Variants in EDEM2 observed in about 807,000 individuals in gnomAD.
EDEM2 encodes the protein ER degradation-enhancing alpha-mannosidase-like protein 2.
Under a neutral mutation model 64.8 loss-of-function variants are expected in EDEM2, and 39 were observed. The observed-to-expected ratio is 0.60, with a 90% CI of 0.47 to 0.79. The LOEUF (loss-of-function observed/expected upper bound fraction) is 0.79. Ranked by LOEUF, EDEM2 falls within the 30% of genes least tolerant of loss-of-function variation. EDEM2 has a pLI of 0.00. For synonymous variants in EDEM2, 296 were observed against 291.5 expected (o/e 1.02, Z -0.16); for missense variants, 609 against 731.3 (o/e 0.83, Z 1.93).
At position 35,115,892 on chromosome 20, in the gene EDEM2, C is replaced by T; in HGVS notation, c.1278G>A (p.Glu426=). ...TCACAGTCTCGGCCAGGAAGAACGA[C>T]TCCATGCGGTTGTCCAGCTTGTGGT... The part of the protein sequence containing the change: ...LRDHKLDNRM[E]SFFLAETVKY... The change falls in exon 11 of 11, where the codon GAG becomes GAA. Residue 426 remains glutamate, a synonymous_variant. Transcript: ENST00000374492. 1 of 1,614,060 alleles carries T rather than the reference C, an allele frequency of 6.2e-7. No homozygotes were observed. Among genetic ancestry groups the T allele is most frequent in the Non-Finnish European group, 8.5e-7 (1 of 1,180,004 alleles).
rs1291721666 is a variant in EDEM2, at chr20:35,126,140, C to T, written c.969+111G>A. On this transcript the variant is annotated intron_variant, in intron 8 of 10. Transcript: ENST00000374492. ...CTCTTCCATCCTCAACCTGTCCCTCCAAAAAAAGTACTCAAGCAATTAACA... is the reference window on the plus strand; with the variant it reads ...CTCTTCCATCCTCAACCTGTCCCTCTAAAAAAAGTACTCAAGCAATTAACA... The T allele has an allele frequency of 2.8e-6, 4 of 1,423,334 alleles. No individual in the cohort carries two copies. In the African/African-American group the frequency reaches 4.3e-5, roughly 15 times the overall value. The allele number at this position is 1,423,334 out of a possible 1,614,324, so 88.2% of individuals were successfully genotyped here.
At chr20:35,126,489 G>GGCTT (rs749127627) in intron 7 of EDEM2, 114 bp from the exon 8 acceptor site, 12 of 1,275,512 alleles carry the variant, frequency 9.4e-6, no homozygotes, top group Non-Finnish European at 1.1e-5. Flanking sequence ...GATGCAATGA[G>GGCTT]GCAAGGAGGC....
chr20:35,121,641 T>C (rs1014276868), intron 9 of EDEM2, among the ~76,000 whole-genome samples: 4 of 152,240 alleles, frequency 2.6e-5, no homozygotes, highest in Non-Finnish European at 5.9e-5. Flanking sequence ...GGCTAGGCTC[T>C]GTGCTCCAAC....
At chr20:35,116,562 C>T (rs2085311913) in intron 10 of EDEM2, among the ~76,000 whole-genome samples, 1 of 152,166 alleles carries the variant, frequency 6.6e-6, no homozygotes, top group South Asian at 2.1e-4. Context: ...TTTCTCATAG[C>T]TTGTTCCCTC....
chr20:35,124,053 G>C lies in EDEM2; in HGVS notation c.970-19C>G. 1 of 1,608,466 alleles carries C rather than the reference G, an allele frequency of 6.2e-7. No individual in the cohort carries two copies. On this transcript the variant is annotated intron_variant, in intron 8 of 10. Transcript: ENST00000374492. ...TGAGGCTCTGTGGGAGAAAGTGGCT[G>C]TCAGGCAGGTAGACACCAGGCATAA...
At chr20:35,133,722 C>A (rs1391404950) in intron 6 of EDEM2, among the ~76,000 whole-genome samples, 1 of 152,214 alleles carries the variant, frequency 6.6e-6, no homozygotes, top group Admixed American at 6.5e-5. Flanking sequence ...CCGCCTCAGT[C>A]TCCCAAAGTG....
chr20:35,116,626 C>T (rs1462813680), intron 10 of EDEM2, among the ~76,000 whole-genome samples: 1 of 152,182 alleles, frequency 6.6e-6, no homozygotes, highest in Non-Finnish European at 1.5e-5. Flanking sequence ...TCTCCGCTAA[C>T]CTTGCTCTAT....
intron 6 of EDEM2, chr20:35,134,151 T>C (rs1308155699): frequency 2.2e-6 from 1 of 456,094 alleles, no homozygotes; most frequent in Non-Finnish European, 4.4e-6. Context: ...CATGGGTTAA[T>C]AGTACTGGAA....
intron 3 of EDEM2, among the ~76,000 whole-genome samples, chr20:35,142,869 G>A (rs771640792): frequency 1.9e-4 from 28 of 149,926 alleles, no homozygotes; most frequent in East Asian, 1.9e-4. Context: ...GGGTTCAAGC[G>A]ATTCTCCTGC....
intron 8 of EDEM2, among the ~76,000 whole-genome samples, chr20:35,124,724 T>C (rs146445820): frequency 1.3e-3 from 200 of 152,240 alleles, no homozygotes; most frequent in Middle Eastern, 3.4e-3. Context: ...TATGCATGAG[T>C]ATATGTTATT....
chr20:35,137,136 G>A (rs1161115633), intron 5 of EDEM2, among the ~76,000 whole-genome samples: 3 of 152,182 alleles, frequency 2.0e-5, no homozygotes, highest in Non-Finnish European at 4.4e-5. Context: ...TGTGGAGAGA[G>A]GCCAGACACA....
chr20:35,118,898 C>G (rs1464780763), intron 9 of EDEM2, among the ~76,000 whole-genome samples, 179 bp from the exon 10 acceptor site: 1 of 152,230 alleles, frequency 6.6e-6, no homozygotes, highest in African/African-American at 2.4e-5. Context: ...AAGCTTGAAG[C>G]TCAGTGGAGA....
At position 35,147,135 on chromosome 20, in the gene EDEM2, G is replaced by A; in HGVS notation, c.107+17C>T. 6.3e-7 allele frequency: 1 copy of A among 1,597,726 alleles called. No individual in the cohort carries two copies. Among genetic ancestry groups the A allele is most frequent in the Admixed American group, 1.7e-5 (1 of 58,984 alleles). On this transcript the variant is annotated intron_variant, in intron 1 of 10. Coordinates refer to ENST00000374492, the MANE Select transcript of EDEM2 (RefSeq NM_018217.3). ...GCTTCCCATTCCCCAACTGCGAAAG[G>A]GCGGGTCACAGTTCACCTGTAGTGG...
intron 4 of EDEM2, among the ~76,000 whole-genome samples, chr20:35,138,680 C>T (rs966775823): frequency 4.0e-5 from 6 of 151,282 alleles, no homozygotes; most frequent in South Asian, 2.1e-4. Context: ...CCCAGGTTCA[C>T]GCCGTTCTCC....
intron 8 of EDEM2, among the ~76,000 whole-genome samples, chr20:35,125,883 G>A (rs750336171): frequency 1.8e-4 from 28 of 152,136 alleles, no homozygotes; most frequent in Admixed American, 9.8e-4. Context: ...GAAAAACAAC[G>A]AGATGGCACA....
intron 2 of EDEM2, 45 bp downstream of exon 2, chr20:35,146,780 A>T (rs2085738620): frequency 6.3e-7 from 1 of 1,598,034 alleles, no homozygotes; most frequent in South Asian, 1.1e-5. Context: ...GCCGAGGCCC[A>T]GAGAGTCAGA....
At chr20:35,145,915 T>C (rs1184431283) in intron 2 of EDEM2, among the ~76,000 whole-genome samples, 2 of 146,844 alleles carry the variant, frequency 1.4e-5, no homozygotes, top group South Asian at 2.1e-4. Flanking sequence ...GGCAGGAGAA[T>C]CGCTTGAAGC....
chr20:35,141,038 T>G (rs1426376190), intron 4 of EDEM2, among the ~76,000 whole-genome samples: 2 of 142,558 alleles, frequency 1.4e-5, no homozygotes, highest in Non-Finnish European at 3.0e-5. Flanking sequence ...GAGAATCGCC[T>G]GAACCCGGGA....
At chr20:35,130,903 G>A (rs1535466) in intron 7 of EDEM2, among the ~76,000 whole-genome samples, 120,786 of 152,168 alleles carry the variant, frequency 0.79, 48,411 homozygotes, top group Middle Eastern at 0.89. Flanking sequence ...CATAAGATGA[G>A]TAAGGCATGG....
Sources: allele counts gnomAD v4.1 joint callset (sites outside exome capture counted in the v4.1 genomes callset), GRCh38; gene constraint gnomAD v4.1.1; transcripts MANE v1.5; gene names NCBI Gene and HGNC (gene_info 2026-07-23, HGNC 2026-07-21).